TAFA2: variants seen among roughly 807,000 people sequenced by gnomAD.
TAFA2 encodes chemokine-like protein TAFA-2.
TAFA2 carries 7 observed loss-of-function variants against 18.8 expected under a neutral mutation model. That is an observed-to-expected ratio of 0.37 (90% CI 0.21 to 0.70). The LOEUF (loss-of-function observed/expected upper bound fraction) is 0.70. Ranked by LOEUF, TAFA2 falls within the 30% of genes least tolerant of loss-of-function variation. The pLI is 0.53. For missense variants in TAFA2, 122 were observed against 158.1 expected, an observed-to-expected ratio of 0.77 and a Z score of 1.23; for synonymous variants, 60 against 54.2, an observed-to-expected ratio of 1.11 and a Z score of -0.47.
intron 1 of TAFA2, among the ~76,000 whole-genome samples, chr12:62,028,860 T>C (rs1881376636): frequency 6.6e-6 from 1 of 152,168 alleles, no homozygotes; most frequent in Non-Finnish European, 1.5e-5. Context: ...TAGTCCAAAC[T>C]ACTTCCCAGT....
chr12:62,237,979 T>A (rs2062845705), intron 1 of TAFA2, among the ~76,000 whole-genome samples: 1 of 152,232 alleles, frequency 6.6e-6, no homozygotes, highest in Admixed American at 6.5e-5. Flanking sequence ...CAGAGTTTCA[T>A]GAGCTGGGGT....
chr12:61,986,141 A>G (rs1295475848), intron 1 of TAFA2, among the ~76,000 whole-genome samples: 1 of 148,268 alleles, frequency 6.7e-6, no homozygotes, highest in Non-Finnish European at 1.5e-5. Flanking sequence ...ATCTAGACAT[A>G]GACAATCTAA....
chr12:61,867,907 T>A (rs1874429156), intron 1 of TAFA2, among the ~76,000 whole-genome samples: 1 of 152,174 alleles, frequency 6.6e-6, no homozygotes, highest in Non-Finnish European at 1.5e-5. Flanking sequence ...ATTCCTAATG[T>A]GCTTTTTAAA....
intron 1 of TAFA2, among the ~76,000 whole-genome samples, chr12:62,028,359 C>T (rs919935853): frequency 6.6e-6 from 1 of 152,126 alleles, no homozygotes; most frequent in Non-Finnish European, 1.5e-5. Flanking sequence ...AGTGAGTTCC[C>T]ACTTCCTCCT....
At chr12:62,204,313 T>A (rs1300488062) in intron 1 of TAFA2, among the ~76,000 whole-genome samples, 3 of 152,116 alleles carry the variant, frequency 2.0e-5, no homozygotes, top group Non-Finnish European at 4.4e-5. Context: ...TGATTATGTG[T>A]CTTGGGGTTG....
intron 2 of TAFA2, among the ~76,000 whole-genome samples, chr12:61,763,422 C>T (rs924907804): frequency 6.6e-6 from 1 of 151,988 alleles, no homozygotes; most frequent in African/African-American, 2.4e-5. Context: ...AAGGGAGATT[C>T]ACTCATGGGA....
intron 4 of TAFA2, among the ~76,000 whole-genome samples, chr12:61,734,357 A>T (rs1200476109): frequency 8.8e-6 from 1 of 113,202 alleles, no homozygotes; most frequent in East Asian, 2.8e-4. Context: ...CACTCTGGGG[A>T]CGGTTGTGGG....
chr12:62,191,020 C>G (rs1269092303), intron 1 of TAFA2, among the ~76,000 whole-genome samples: 1 of 152,080 alleles, frequency 6.6e-6, no homozygotes, highest in African/African-American at 2.4e-5. Flanking sequence ...ATGCTCCGAT[C>G]CCCTCTCGGC....
chr12:62,112,548 G>A (rs1478431839), intron 1 of TAFA2, among the ~76,000 whole-genome samples: 1 of 152,146 alleles, frequency 6.6e-6, no homozygotes, highest in Non-Finnish European at 1.5e-5. Context: ...CTAGGCTGAG[G>A]AAGTTCTCCT....
chr12:62,256,325 G>T (rs2062938807), intron 1 of TAFA2, among the ~76,000 whole-genome samples: 1 of 151,700 alleles, frequency 6.6e-6, no homozygotes. Flanking sequence ...TAGACCTTAT[G>T]CCCATGCTAA....
chr12:62,235,243 G>T, intron 1 of TAFA2: 1 of 663,064 alleles, frequency 1.5e-6, no homozygotes, highest in Non-Finnish European at 2.8e-6. Flanking sequence ...TCAGGCAGTG[G>T]CATACTGAAC....
At chr12:61,938,474 G>A (rs1324755135) in intron 1 of TAFA2, among the ~76,000 whole-genome samples, 5 of 152,186 alleles carry the variant, frequency 3.3e-5, no homozygotes, top group Admixed American at 6.5e-5. Context: ...ACTTGAGGGT[G>A]GAGAATAAGA....
intron 2 of TAFA2, among the ~76,000 whole-genome samples, chr12:61,833,598 A>G (rs1473571313): frequency 2.0e-5 from 3 of 151,988 alleles, no homozygotes; most frequent in Non-Finnish European, 2.9e-5. Context: ...TTATTCTTCA[A>G]CTTAAATCGT....
chr12:62,245,329 C>T (rs2062879934), intron 1 of TAFA2, among the ~76,000 whole-genome samples: 2 of 151,852 alleles, frequency 1.3e-5, no homozygotes, highest in South Asian at 2.1e-4. Flanking sequence ...CAATTTCTTC[C>T]CTTTGTCCAT....
chr12:61,884,716 T>C (rs1875296168), intron 1 of TAFA2, among the ~76,000 whole-genome samples: 1 of 152,168 alleles, frequency 6.6e-6, no homozygotes, highest in Admixed American at 6.5e-5. Flanking sequence ...GACAAAAATA[T>C]GTTCTCTAGG....
At chr12:61,744,842 A>C (rs575662167) in intron 4 of TAFA2, among the ~76,000 whole-genome samples, 1 of 152,176 alleles carries the variant, frequency 6.6e-6, no homozygotes, top group East Asian at 1.9e-4. Context: ...CTCTGCACCT[A>C]GTCTAAAAAT....
At chr12:62,207,986 T>A (rs2062699179) in intron 1 of TAFA2, among the ~76,000 whole-genome samples, 1 of 152,144 alleles carries the variant, frequency 6.6e-6, no homozygotes, top group South Asian at 2.1e-4. Flanking sequence ...TTGTGAACAC[T>A]GAGGTCTGCC....
At chr12:61,724,911 G>A (rs1359675088) in intron 4 of TAFA2, among the ~76,000 whole-genome samples, 4 of 148,298 alleles carry the variant, frequency 2.7e-5, no homozygotes, top group African/African-American at 1.0e-4. Flanking sequence ...TTGCATAGTG[G>A]TTGTACTAGT....
intron 1 of TAFA2, among the ~76,000 whole-genome samples, chr12:62,096,353 G>A (rs754314391): frequency 2.6e-5 from 4 of 152,098 alleles, no homozygotes; most frequent in Non-Finnish European, 5.9e-5. Flanking sequence ...AAGGACCTTT[G>A]CTTTAACTAT....
Sources: gnomAD v4.1 joint callset for allele counts (sites outside exome capture counted in the v4.1 genomes callset) on GRCh38, gnomAD v4.1.1 for gene constraint, MANE v1.5 for transcripts, NCBI Gene and HGNC (gene_info 2026-07-23, HGNC 2026-07-21) for gene names.